MNAT1: variants seen among roughly 807,000 people sequenced by gnomAD.
The protein encoded by MNAT1 is MNAT1 component of CDK activating kinase.
A neutral mutation model predicts 42.0 loss-of-function variants in MNAT1; 43 were observed. The ratio of observed to expected loss-of-function variants is 1.02; its 90% CI spans 0.80 to 1.32. The LOEUF is 1.32. MNAT1 is among the 40% of genes most tolerant of loss of function. The pLI is 0.00. For synonymous variants in MNAT1, 118 were observed against 120.0 expected, an observed-to-expected ratio of 0.98 and a Z score of 0.11; for missense variants, 306 against 350.4, an observed-to-expected ratio of 0.87 and a Z score of 1.01.
At chr14:60,942,855 T>G (rs752283905) in intron 7 of MNAT1, among the ~76,000 whole-genome samples, 2 of 152,156 alleles carry the variant, frequency 1.3e-5, no homozygotes, top group Non-Finnish European at 2.9e-5. Flanking sequence ...AAATCAAGTT[T>G]AACCTCACTG....
At chr14:60,925,646 C>T (rs549613920) in intron 7 of MNAT1, among the ~76,000 whole-genome samples, 61 of 152,226 alleles carry the variant, frequency 4.0e-4, no homozygotes, top group African/African-American at 1.2e-3. Context: ...TTTTTTCTTA[C>T]GTTTCTTATA....
intron 1 of MNAT1, among the ~76,000 whole-genome samples, chr14:60,770,179 T>C (rs998321559): frequency 5.9e-5 from 9 of 152,228 alleles, no homozygotes; most frequent in Non-Finnish European, 8.8e-5. Context: ...AGTGGAATTA[T>C]GTAGTATTTG....
intron 1 of MNAT1, among the ~76,000 whole-genome samples, chr14:60,779,000 A>G (rs1566761979): frequency 6.6e-6 from 1 of 152,208 alleles, no homozygotes; most frequent in Non-Finnish European, 1.5e-5. Flanking sequence ...TCTTGTCTCC[A>G]GAAGTAGAAA....
At chr14:60,764,414 C>G (rs535869149) in intron 1 of MNAT1, among the ~76,000 whole-genome samples, 1 of 152,236 alleles carries the variant, frequency 6.6e-6, no homozygotes, top group East Asian at 1.9e-4. Context: ...TTTTGTCTAT[C>G]AGATAGTGAA....
intron 1 of MNAT1, 79 bp from the exon 2 acceptor site, chr14:60,796,138 C>T: frequency 1.2e-5 from 16 of 1,308,494 alleles, no homozygotes; most frequent in Non-Finnish European, 1.6e-5. Flanking sequence ...CTCTCCTTAT[C>T]CCATAGGGGC....
intron 1 of MNAT1, among the ~76,000 whole-genome samples, chr14:60,747,604 G>C (rs2029889141): frequency 6.6e-6 from 1 of 152,182 alleles, no homozygotes; most frequent in South Asian, 2.1e-4. Context: ...TGTGGGACTG[G>C]AAGTTGTTCT....
chr14:60,808,454 A>C (rs377047503), intron 4 of MNAT1, 26 bp downstream of exon 4: 2 of 1,338,786 alleles, frequency 1.5e-6, no homozygotes, highest in Non-Finnish European at 2.1e-6. Flanking sequence ...TTTTCTTCTT[A>C]TTTTGTCTTA....
intron 3 of MNAT1, among the ~76,000 whole-genome samples, chr14:60,804,881 TA>T (rs1172024326): frequency 2.0e-5 from 3 of 152,164 alleles, no homozygotes; most frequent in Admixed American, 6.5e-5. Flanking sequence ...TTCTGGGCTC[TA>T]TTTAATGGAA....
intron 6 of MNAT1, among the ~76,000 whole-genome samples, chr14:60,837,878 G>A (rs2033435861): frequency 6.6e-6 from 1 of 152,126 alleles, no homozygotes; most frequent in Non-Finnish European, 1.5e-5. Context: ...AAGATTCTGT[G>A]GGTTAACAAA....
At chr14:60,872,867 CACATAT>C (rs887658251) in intron 6 of MNAT1, among the ~76,000 whole-genome samples, 28 of 147,148 alleles carry the variant, frequency 1.9e-4, no homozygotes, top group African/African-American at 6.8e-4. Flanking sequence ...CACACACACA[CACATAT>C]ATATATGCAC....
chr14:60,910,975 ACT>A, intron 7 of MNAT1, among the ~76,000 whole-genome samples: 1 of 151,316 alleles, frequency 6.6e-6, no homozygotes. Context: ...TGATTGGTAA[ACT>A]CTTAATTATT....
chr14:60,871,206 T>C (rs948850030), intron 6 of MNAT1, among the ~76,000 whole-genome samples: 2 of 152,256 alleles, frequency 1.3e-5, no homozygotes, highest in Non-Finnish European at 2.9e-5. Context: ...GACATTTAGA[T>C]TGTTTCCACT....
intron 7 of MNAT1, among the ~76,000 whole-genome samples, chr14:60,951,784 G>T (rs2036388933): frequency 6.6e-6 from 1 of 151,480 alleles, no homozygotes; most frequent in Non-Finnish European, 1.5e-5. Context: ...CCATTTTACT[G>T]TGAATTTTTT....
intron 7 of MNAT1, among the ~76,000 whole-genome samples, chr14:60,886,952 A>C (rs1484503871): frequency 6.6e-6 from 1 of 152,114 alleles, no homozygotes; most frequent in Non-Finnish European, 1.5e-5. Context: ...GTCAGGCAAA[A>C]ACTGAAAACT....
At chr14:60,773,483 T>G (rs1250514471) in intron 1 of MNAT1, among the ~76,000 whole-genome samples, 7 of 152,050 alleles carry the variant, frequency 4.6e-5, no homozygotes, top group Admixed American at 1.3e-4. Flanking sequence ...AATATAAGAT[T>G]CTTGATTTTG....
chr14:60,799,354 A>G, intron 3 of MNAT1: 1 of 985,372 alleles, frequency 1.0e-6, no homozygotes. Context: ...GAGAAGAAAA[A>G]CCAGAAAGAA....
At chr14:60,859,065 G>A (rs1566798519) in intron 6 of MNAT1, among the ~76,000 whole-genome samples, 1 of 152,214 alleles carries the variant, frequency 6.6e-6, no homozygotes, top group Non-Finnish European at 1.5e-5. Flanking sequence ...CTGTAGAGAA[G>A]TAAAGTTCTG....
At chr14:60,939,292 C>T (rs2036082258) in intron 7 of MNAT1, among the ~76,000 whole-genome samples, 1 of 152,074 alleles carries the variant, frequency 6.6e-6, no homozygotes, top group East Asian at 1.9e-4. Flanking sequence ...GTGTTTGTCC[C>T]TTGCTTCTCT....
chr14:60,882,210 C>T (rs928195701), intron 7 of MNAT1, among the ~76,000 whole-genome samples: 7 of 151,860 alleles, frequency 4.6e-5, no homozygotes, highest in South Asian at 4.2e-4. Flanking sequence ...TTTTTTTCTA[C>T]CCATTAACCA....
Sources: gnomAD v4.1 joint callset for allele counts (sites outside exome capture counted in the v4.1 genomes callset) on GRCh38, gnomAD v4.1.1 for gene constraint, MANE v1.5 for transcripts, NCBI Gene and HGNC (gene_info 2026-07-23, HGNC 2026-07-21) for gene names.